The following PTK2 variants were observed in gnomAD, a reference collection of about 807,000 sequenced individuals.
PTK2 encodes the protein protein tyrosine kinase 2, also known as focal adhesion kinase 1.
Under a neutral mutation model 150.1 loss-of-function variants are expected in PTK2, and 45 were observed. The ratio of observed to expected loss-of-function variants is 0.30; its 90% CI spans 0.24 to 0.38. PTK2 has a LOEUF of 0.38. Among genes scored for constraint, PTK2 ranks in the 10% least tolerant of loss-of-function variants. The pLI, the probability that PTK2 is intolerant of heterozygous loss-of-function variation, is 1.00. For synonymous variants in PTK2, 432 were observed against 449.2 expected, an observed-to-expected ratio of 0.96 and a Z score of 0.48; for missense variants, 919 against 1,307.3, an observed-to-expected ratio of 0.70 and a Z score of 4.58.
chr8:140,743,306 C>T, exon 20 of PTK2: 1 of 1,613,160 alleles, frequency 6.2e-7, no homozygotes. Flanking sequence ...TTGAGGACAC[C>T]AGAACATTCC....
intron 5 of PTK2, among the ~76,000 whole-genome samples, chr8:140,862,654 G>C (rs376081676): frequency 5.4e-4 from 83 of 152,300 alleles, no homozygotes; most frequent in African/African-American, 1.9e-3. Flanking sequence ...CTGTGGGCAA[G>C]CGAGCATTAC....
intron 30 of PTK2, among the ~76,000 whole-genome samples, chr8:140,666,927 C>T (rs1268679817): frequency 6.6e-6 from 1 of 152,212 alleles, no homozygotes; most frequent in Non-Finnish European, 1.5e-5. Flanking sequence ...AGTGGAATAT[C>T]ACTCTGCCCT....
At chr8:140,827,007 T>C (rs2100112178) in intron 8 of PTK2, among the ~76,000 whole-genome samples, 1 of 152,154 alleles carries the variant, frequency 6.6e-6, no homozygotes, top group South Asian at 2.1e-4. Flanking sequence ...GCCTTGATCA[T>C]TGCACATCTC....
At chr8:140,845,843 T>C (rs1459985698) in intron 7 of PTK2, among the ~76,000 whole-genome samples, 1 of 152,208 alleles carries the variant, frequency 6.6e-6, no homozygotes, top group Non-Finnish European at 1.5e-5. Context: ...AATTTCATTA[T>C]TGGAAAAATT....
At chr8:140,821,250 G>A (rs939782886) in intron 8 of PTK2, 11 of 152,214 alleles carry the variant, frequency 7.2e-5, no homozygotes, top group Non-Finnish European at 1.3e-4. Context: ...TAAAAAGCTC[G>A]CTCTGCTCTT....
At chr8:140,898,028 GT>G (rs2100156986) in intron 2 of PTK2, among the ~76,000 whole-genome samples, 1 of 152,130 alleles carries the variant, frequency 6.6e-6, no homozygotes, top group Admixed American at 6.5e-5. Context: ...ACCAAAAACT[GT>G]TTTTACGTGG....
intron 31 of PTK2, chr8:140,662,881 T>C (rs762520463): frequency 1.7e-5 from 7 of 416,084 alleles, no homozygotes; most frequent in Non-Finnish European, 2.6e-5. Context: ...ATAAAATCAC[T>C]GAGCCTATGT....
At chr8:140,967,465 T>G (rs113374661) in intron 1 of PTK2, among the ~76,000 whole-genome samples, 1 of 144,340 alleles carries the variant, frequency 6.9e-6, no homozygotes, top group East Asian at 2.0e-4. Context: ...TTCTTTCTTT[T>G]TTTTTTTTTT....
At chr8:140,737,432 C>A (rs1449883153) in intron 21 of PTK2, among the ~76,000 whole-genome samples, 2 of 152,104 alleles carry the variant, frequency 1.3e-5, no homozygotes, top group African/African-American at 4.8e-5. Context: ...CTCACAGTAA[C>A]CTTATGTTTC....
At chr8:140,954,788 A>T (rs572582035) in intron 1 of PTK2, 23 of 152,268 alleles carry the variant, frequency 1.5e-4, no homozygotes, top group Non-Finnish European at 2.9e-4. Context: ...ATGACAATTT[A>T]AAAAAATACT....
chr8:140,814,748 C>T (rs1268238443), intron 10 of PTK2, among the ~76,000 whole-genome samples: 1 of 151,896 alleles, frequency 6.6e-6, no homozygotes, highest in Non-Finnish European at 1.5e-5. Context: ...CCATTACTGG[C>T]TATATACCCA....
intron 22 of PTK2, chr8:140,732,630 T>A (rs768604798): frequency 3.9e-6 from 2 of 510,230 alleles, no homozygotes; most frequent in Non-Finnish European, 8.0e-6. Context: ...CATACTAGAC[T>A]GTGAGCTCCT....
chr8:140,850,541 T>G (rs567929417), intron 5 of PTK2, among the ~76,000 whole-genome samples: 2 of 140,852 alleles, frequency 1.4e-5, no homozygotes, highest in Admixed American at 7.3e-5. Flanking sequence ...CTGGCTAACA[T>G]AGTGAAACCC....
chr8:140,858,058 A>G (rs905733850), intron 5 of PTK2, among the ~76,000 whole-genome samples: 3 of 152,244 alleles, frequency 2.0e-5, no homozygotes, highest in Admixed American at 6.5e-5. Context: ...TTAGCAAATA[A>G]TAAGGGCCAT....
chr8:140,896,754 G>A (rs1437191526), intron 2 of PTK2, among the ~76,000 whole-genome samples: 2 of 131,364 alleles, frequency 1.5e-5, no homozygotes. Context: ...TCACTGCCAA[G>A]TACCATAGAC....
intron 1 of PTK2, among the ~76,000 whole-genome samples, chr8:140,969,652 A>G (rs1443988530): frequency 2.6e-5 from 4 of 151,872 alleles, no homozygotes; most frequent in Non-Finnish European, 5.9e-5. Context: ...TCTTCTTGCA[A>G]ACTTGTCAAT....
intron 21 of PTK2, among the ~76,000 whole-genome samples, chr8:140,738,816 C>G (rs1301561919): frequency 1.3e-5 from 2 of 152,074 alleles, no homozygotes; most frequent in African/African-American, 4.8e-5. Context: ...AACTGTGGAC[C>G]CTTACAGAAG....
At position 140,833,319 on chromosome 8, in the gene PTK2, G is replaced by GTACACA. The variant is rs879532460; in HGVS notation, c.594-2794_594-2793insTGTGTA. ...ACCTGGCAGTTGAGAAAATAAAAAT[G>GTACACA]AGGCTCAAGTACACAAGGTCATGGT... On this transcript the variant is annotated intron_variant, in intron 7 of 31. Transcript: ENST00000522684. Among the ~76,000 whole-genome samples the GTACACA allele has an allele frequency of 3.4e-3, 521 of 152,278 alleles. 5 individuals are homozygous for GTACACA. The highest frequency in any genetic ancestry group is 0.012 in the African/African-American group (501 of 41,552).
chr8:140,696,399 A>C (rs1297127341), intron 26 of PTK2, among the ~76,000 whole-genome samples: 1 of 152,162 alleles, frequency 6.6e-6, no homozygotes, highest in Non-Finnish European at 1.5e-5. Flanking sequence ...AGAACGCAGT[A>C]GTGCACATCA....
Sources: gnomAD v4.1 joint callset for allele counts (sites outside exome capture counted in the v4.1 genomes callset) on GRCh38, gnomAD v4.1.1 for gene constraint, MANE v1.5 for transcripts, NCBI Gene and HGNC (gene_info 2026-07-23, HGNC 2026-07-21) for gene names.